The following EAF2 variants were observed in gnomAD, a reference collection of about 807,000 sequenced individuals.
EAF2 encodes ELL-associated factor 2.
EAF2 carries 29 observed loss-of-function variants against 29.4 expected under a neutral mutation model. That is an observed-to-expected ratio of 0.99 (90% CI 0.73 to 1.35). The LOEUF (loss-of-function observed/expected upper bound fraction) is 1.35. EAF2 is among the 40% of genes most tolerant of loss of function. The pLI is 0.00. For synonymous variants in EAF2, 103 were observed against 102.5 expected (o/e 1.00, Z -0.03); for missense variants, 292 against 312.0 (o/e 0.94, Z 0.48).
At chr3:121,886,008 T>C (rs35446226) in intron 5 of EAF2, among the ~76,000 whole-genome samples, 100 of 152,292 alleles carry the variant, frequency 6.6e-4, no homozygotes, top group Non-Finnish European at 1.3e-3. Flanking sequence ...TTTTTCACTC[T>C]TCAAAGTGAT....
chr3:121,837,780 T>C (rs1304770277), intron 1 of EAF2: 3 of 152,164 alleles, frequency 2.0e-5, no homozygotes, highest in Non-Finnish European at 4.4e-5. Flanking sequence ...AAAAAGATAG[T>C]CTGGCATGTG....
intron 5 of EAF2, 65 bp downstream of exon 5, chr3:121,872,853 G>T: frequency 6.4e-7 from 1 of 1,553,484 alleles, no homozygotes; most frequent in South Asian, 1.3e-5. Context: ...TATTGATTGT[G>T]ACCTAATATT....
chr3:121,863,494 C>T (rs938572970), intron 4 of EAF2, among the ~76,000 whole-genome samples: 9 of 152,174 alleles, frequency 5.9e-5, no homozygotes, highest in Admixed American at 3.3e-4. Flanking sequence ...TGGGACCCTC[C>T]GAGCCAGGTG....
At chr3:121,857,797 T>C (rs568054255) in intron 4 of EAF2, among the ~76,000 whole-genome samples, 23 of 152,334 alleles carry the variant, frequency 1.5e-4, no homozygotes, top group Admixed American at 1.2e-3. Flanking sequence ...ACATTAGGTA[T>C]ATCTCCGAAT....
chr3:121,844,433 G>C lies in EAF2; in HGVS notation c.107-20G>C, dbSNP rs967408521. 9.0e-6 allele frequency: 13 copies of C among 1,440,696 alleles called. No homozygotes were observed. In the Admixed American group the frequency reaches 2.4e-4, roughly 27 times the overall value. The allele number at this position is 1,440,696 out of a possible 1,614,324, so 89.2% of individuals were successfully genotyped here. ...ATATCATTACATTTTACAAAAATTG[G>C]TATTTGTATCTATTTTTAGATGACT... On this transcript the variant is annotated intron_variant, in intron 1 of 5. Transcript: ENST00000273668.
intron 4 of EAF2, among the ~76,000 whole-genome samples, chr3:121,859,905 C>G (rs1180727409): frequency 6.6e-6 from 1 of 152,096 alleles, no homozygotes; most frequent in Non-Finnish European, 1.5e-5. Context: ...TTGTCGAAGG[C>G]CTTTTCTGCA....
intron 2 of EAF2, 143 bp downstream of exon 2, chr3:121,844,690 CT>C (rs1708492536): frequency 8.7e-6 from 4 of 460,532 alleles, no homozygotes; most frequent in Non-Finnish European, 1.5e-5. Flanking sequence ...TTTTAAACTA[CT>C]TTAGGCAAAA....
At chr3:121,862,961 CT>C (rs1708859642) in intron 4 of EAF2, among the ~76,000 whole-genome samples, 1 of 152,206 alleles carries the variant, frequency 6.6e-6, no homozygotes, top group African/African-American at 2.4e-5. Context: ...TGGAGGTGCA[CT>C]CCAGACCCTG....
At chr3:121,865,181 G>A (rs560477425) in intron 4 of EAF2, among the ~76,000 whole-genome samples, 21 of 151,990 alleles carry the variant, frequency 1.4e-4, no homozygotes, top group Non-Finnish European at 1.8e-4. Context: ...GCCCAAGGTG[G>A]GAGGATCATT....
chr3:121,884,049 T>C (rs1285675925), intron 5 of EAF2, among the ~76,000 whole-genome samples: 1 of 152,156 alleles, frequency 6.6e-6, no homozygotes, highest in Non-Finnish European at 1.5e-5. Context: ...TTGAAAATTA[T>C]GAAATGCATC....
At chr3:121,869,666 C>T (rs1473991234) in intron 4 of EAF2, among the ~76,000 whole-genome samples, 10 of 151,554 alleles carry the variant, frequency 6.6e-5, no homozygotes, top group Admixed American at 5.3e-4. Flanking sequence ...TGCTTGAGCC[C>T]GGGAGTTTGA....
chr3:121,868,193 A>G (rs1708956002), intron 4 of EAF2, among the ~76,000 whole-genome samples: 1 of 152,264 alleles, frequency 6.6e-6, no homozygotes, highest in Non-Finnish European at 1.5e-5. Context: ...TTTATAAGAA[A>G]TTAATGAAAT....
At position 121,854,759 on chromosome 3, in the gene EAF2, A is replaced by C. The variant is rs181890306; in HGVS notation, c.274A>C (p.Asn92His). 1 of 1,573,092 alleles carries C rather than the reference A, an allele frequency of 6.4e-7. No individual in the cohort carries two copies. Among genetic ancestry groups the C allele is most frequent in the East Asian group, 2.4e-5 (1 of 42,456 alleles). Reference protein sequence around the residue: ...PYLKECILIINHDTGECRLEK... With the variant: ...PYLKECILIIHHDTGECRLEK... ...CTTAAAAGAATGCATTTTGATTATT[A>C]ACCATGATACTGGAGAATGTCGGCT... Residue 92 changes from asparagine (N) to histidine (H), a missense_variant, in exon 3 of 6, where the codon AAC becomes CAC. Coordinates refer to ENST00000273668, the MANE Select transcript of EAF2 (RefSeq NM_018456.6).
At chr3:121,837,678 G>C (rs1424849594) in intron 1 of EAF2, 1 of 152,178 alleles carries the variant, frequency 6.6e-6, no homozygotes, top group African/African-American at 2.4e-5. Flanking sequence ...ATGTTGAAGA[G>C]TTATATTCAT....
intron 2 of EAF2, among the ~76,000 whole-genome samples, chr3:121,845,622 A>G (rs186526244): frequency 6.6e-6 from 1 of 152,136 alleles, no homozygotes; most frequent in Non-Finnish European, 1.5e-5. Context: ...CAGAGAGGTA[A>G]CATGATTAGA....
chr3:121,845,467 GAAAGAA>G (rs1208288086), intron 2 of EAF2, among the ~76,000 whole-genome samples: 2 of 126,580 alleles, frequency 1.6e-5, no homozygotes, highest in South Asian at 2.6e-4. Flanking sequence ...AAAAAAGAAA[GAAAGAA>G]AAAGAAAAAG....
intron 4 of EAF2, among the ~76,000 whole-genome samples, chr3:121,866,389 C>G (rs946255374): frequency 6.6e-6 from 1 of 152,102 alleles, no homozygotes; most frequent in Non-Finnish European, 1.5e-5. Flanking sequence ...AGATATAGAT[C>G]TCCCCTAGCA....
At chr3:121,858,391 G>C (rs1559823137) in intron 4 of EAF2, among the ~76,000 whole-genome samples, 1 of 152,184 alleles carries the variant, frequency 6.6e-6, no homozygotes, top group Admixed American at 6.5e-5. Context: ...TCTCATTGTG[G>C]TTTTGATTTG....
intron 2 of EAF2, among the ~76,000 whole-genome samples, chr3:121,852,523 C>G (rs1211199077): frequency 6.6e-6 from 1 of 152,148 alleles, no homozygotes; most frequent in African/African-American, 2.4e-5. Context: ...CTGTAGATTA[C>G]TTTAGTCTTT....
Sources: allele counts gnomAD v4.1 joint callset (sites outside exome capture counted in the v4.1 genomes callset), GRCh38; gene constraint gnomAD v4.1.1; transcripts MANE v1.5; gene names NCBI Gene and HGNC (gene_info 2026-07-23, HGNC 2026-07-21).